JARID2: variants seen among roughly 807,000 people sequenced by gnomAD.
JARID2 encodes jumonji and AT-rich interaction domain containing 2, also known as protein Jumonji.
Under a neutral mutation model 125.6 loss-of-function variants are expected in JARID2, and 21 were observed. That is an observed-to-expected ratio of 0.17 (90% CI 0.12 to 0.24). The LOEUF (loss-of-function observed/expected upper bound fraction) is 0.24, where lower values mean the gene tolerates loss of function less well. Ranked by LOEUF, JARID2 falls within the 10% of genes least tolerant of loss-of-function variation. The pLI, the probability that JARID2 is intolerant of heterozygous loss-of-function variation, is 1.00. For missense variants in JARID2, 1,303 were observed against 1,639.6 expected (o/e 0.79, Z 3.55); for synonymous variants, 736 against 661.6 (o/e 1.11, Z -1.73).
At chr6:15,326,228 G>A (rs1374303253) in intron 1 of JARID2, among the ~76,000 whole-genome samples, 1 of 151,966 alleles carries the variant, frequency 6.6e-6, no homozygotes, top group East Asian at 1.9e-4. Context: ...ATTTTTTTGG[G>A]GGGTGGAAGG....
At chr6:15,506,894 G>A (rs917611788) in intron 9 of JARID2, among the ~76,000 whole-genome samples, 7 of 152,224 alleles carry the variant, frequency 4.6e-5, no homozygotes, top group Non-Finnish European at 4.4e-5. Context: ...CCTTTTGGCT[G>A]TTGGGAATAA....
intron 1 of JARID2, among the ~76,000 whole-genome samples, chr6:15,293,952 C>CT (rs1581379901): frequency 1.3e-5 from 2 of 152,362 alleles, no homozygotes; most frequent in Admixed American, 6.5e-5. Flanking sequence ...TGATCTTTCT[C>CT]TATCTCTTTT....
At chr6:15,378,371 G>A (rs1764450518) in intron 2 of JARID2, among the ~76,000 whole-genome samples, 1 of 151,980 alleles carries the variant, frequency 6.6e-6, no homozygotes, top group South Asian at 2.1e-4. Context: ...GTGCAAGCAA[G>A]GATGAGAACA....
intron 6 of JARID2, among the ~76,000 whole-genome samples, chr6:15,491,726 T>C (rs1770159643): frequency 1.3e-5 from 2 of 152,218 alleles, no homozygotes; most frequent in African/African-American, 2.4e-5. Flanking sequence ...TTTCTCCTTT[T>C]CATCTGTCAT....
At chr6:15,353,119 C>T (rs148389401) in intron 1 of JARID2, among the ~76,000 whole-genome samples, 150 of 152,214 alleles carry the variant, frequency 9.9e-4, no homozygotes, top group African/African-American at 3.3e-3. Context: ...GAGTAATAGC[C>T]TTTTGAGTAT....
At chr6:15,403,213 C>A (rs951375894) in intron 2 of JARID2, among the ~76,000 whole-genome samples, 1 of 152,178 alleles carries the variant, frequency 6.6e-6, no homozygotes, top group Non-Finnish European at 1.5e-5. Flanking sequence ...GGAAATCTTT[C>A]ATGAAGATCA....
chr6:15,446,019 C>T (rs1308126282), intron 3 of JARID2, among the ~76,000 whole-genome samples: 2 of 152,204 alleles, frequency 1.3e-5, no homozygotes, highest in Non-Finnish European at 2.9e-5. Flanking sequence ...GGCTCCTCCT[C>T]TCCTGTTGCT....
At chr6:15,405,830 T>C (rs1203200815) in intron 2 of JARID2, among the ~76,000 whole-genome samples, 5 of 152,246 alleles carry the variant, frequency 3.3e-5, no homozygotes, top group Admixed American at 2.0e-4. Flanking sequence ...GCTAATGTTA[T>C]AATAATGGCT....
At chr6:15,280,515 T>C (rs1449475154) in intron 1 of JARID2, among the ~76,000 whole-genome samples, 2 of 152,160 alleles carry the variant, frequency 1.3e-5, no homozygotes, top group African/African-American at 2.4e-5. Flanking sequence ...TTATTGTTGG[T>C]AGTAATCTTA....
At chr6:15,496,088 C>G (rs774293533) in intron 6 of JARID2, 44 bp from the exon 7 acceptor site, 2 of 1,529,550 alleles carry the variant, frequency 1.3e-6, no homozygotes, top group Non-Finnish European at 1.8e-6. Context: ...GTGGCAGGTA[C>G]TAATTCTGCG....
intron 6 of JARID2, among the ~76,000 whole-genome samples, chr6:15,494,084 TG>T (rs1427202883): frequency 2.0e-5 from 3 of 152,220 alleles, no homozygotes; most frequent in Non-Finnish European, 4.4e-5. Flanking sequence ...GAGGCCTCCA[TG>T]GGCCTGGCTC....
At chr6:15,249,336 G>C (rs1182267553) in intron 1 of JARID2, among the ~76,000 whole-genome samples, 1 of 152,064 alleles carries the variant, frequency 6.6e-6, no homozygotes, top group South Asian at 2.1e-4. Context: ...TACTACGGTG[G>C]GGGGGCTTTC....
chr6:15,386,433 T>A (rs777798522), intron 2 of JARID2, among the ~76,000 whole-genome samples: 34 of 152,012 alleles, frequency 2.2e-4, no homozygotes, highest in Non-Finnish European at 2.6e-4. Context: ...GTAGATAAAA[T>A]ACCTTCCTAT....
At chr6:15,301,336 A>G (rs760731787) in intron 1 of JARID2, among the ~76,000 whole-genome samples, 7 of 152,140 alleles carry the variant, frequency 4.6e-5, no homozygotes. Flanking sequence ...AATCATGTGG[A>G]TTTCACTTTC....
chr6:15,336,562 A>G (rs759118613), intron 1 of JARID2, among the ~76,000 whole-genome samples: 20 of 152,032 alleles, frequency 1.3e-4, no homozygotes, highest in Non-Finnish European at 2.1e-4. Context: ...ATGTTCCCCA[A>G]TGTTGAACAC....
intron 2 of JARID2, among the ~76,000 whole-genome samples, chr6:15,395,823 C>T (rs1362128565): frequency 1.3e-5 from 2 of 151,956 alleles, no homozygotes; most frequent in East Asian, 1.9e-4. Context: ...CACCACCATG[C>T]CTGGCTAATT....
chr6:15,520,074 G>C lies in JARID2; in HGVS notation c.3564G>C (p.Gln1188His), dbSNP rs1420526352. Reference sequence around the variant, plus strand: ...TTCCTTTCACCCCCAAACAGGAACAGATTATCAGTCTGGTCAATCAGATCT... The same window carrying C: ...TTCCTTTCACCCCCAAACAGGAACACATTATCAGTCTGGTCAATCAGATCT... ...LKLMYRYDEE[Q>H]IISLVNQICG... Residue 1188 changes from glutamine (Q) to histidine (H), a missense_variant, in exon 18 of 18, where the codon CAG (glutamine) becomes CAC (histidine). Coordinates refer to ENST00000341776, the MANE Select transcript of JARID2 (RefSeq NM_004973.4). The C allele has an allele frequency of 6.2e-7, 1 of 1,611,812 alleles. No homozygotes were observed.
At chr6:15,397,287 C>T (rs1300027418) in intron 2 of JARID2, among the ~76,000 whole-genome samples, 1 of 152,148 alleles carries the variant, frequency 6.6e-6, no homozygotes, top group Admixed American at 6.5e-5. Flanking sequence ...TAATTTCATC[C>T]ATATAACACA....
intron 2 of JARID2, among the ~76,000 whole-genome samples, chr6:15,409,663 A>G (rs552017149): frequency 5.9e-4 from 90 of 152,338 alleles, no homozygotes; most frequent in African/African-American, 2.0e-3. Flanking sequence ...GAGAATCCTT[A>G]TCCTTTGAGA....
Sources: gnomAD v4.1 joint callset for allele counts (sites outside exome capture counted in the v4.1 genomes callset) on GRCh38, gnomAD v4.1.1 for gene constraint, MANE v1.5 for transcripts, NCBI Gene and HGNC (gene_info 2026-07-23, HGNC 2026-07-21) for gene names.